RIOX2: variants seen among roughly 807,000 people sequenced by gnomAD.
The protein encoded by RIOX2 is ribosomal oxygenase 2, also known as 60S ribosomal protein L27a histidine hydroxylase.
RIOX2 carries 43 observed loss-of-function variants against 51.2 expected under a neutral mutation model. The ratio of observed to expected loss-of-function variants is 0.84; its 90% confidence interval spans 0.66 to 1.08. RIOX2 has a LOEUF of 1.08. Ranked by LOEUF, RIOX2 falls within the 50% of genes least tolerant of loss-of-function variation. The pLI is 0.00. For synonymous variants in RIOX2, 226 were observed against 218.5 expected (o/e 1.03, Z -0.30); for missense variants, 566 against 561.7 (o/e 1.01, Z -0.08).
At chr3:97,949,249 A>T (rs1023691181) in intron 7 of RIOX2, among the ~76,000 whole-genome samples, 7 of 151,984 alleles carry the variant, frequency 4.6e-5, no homozygotes, top group African/African-American at 1.7e-4. Context: ...AGTTCCCATG[A>T]CAGCTGGTGT....
Position 97,942,395 on chromosome 3 carries a change from G to C in RIOX2, c.*2789C>G, listed in dbSNP as rs1192526968. ...GCAGAAGTGGAGACTGAATAAAAATGGAACTATCAGCTCTTATCTCAGTGA... is the reference window on the plus strand; with the variant it reads ...GCAGAAGTGGAGACTGAATAAAAATCGAACTATCAGCTCTTATCTCAGTGA... On this transcript the variant is annotated 3_prime_UTR_variant, in exon 10 of 10. Coordinates refer to ENST00000394198, the MANE Select transcript of RIOX2 (RefSeq NM_153182.4). 5 of 1,611,558 alleles carry C rather than the reference G, an allele frequency of 3.1e-6. No individual in the cohort carries two copies. Among genetic ancestry groups the C allele is most frequent in the Non-Finnish European group, 4.2e-6 (5 of 1,178,432 alleles).
In RIOX2 at chr3:97,942,495, C is replaced by G. The variant is rs763476214; in HGVS notation, c.*2689G>C. 2.0e-6 allele frequency: 3 copies of G among 1,465,922 alleles called. 1 individual carries two copies. The highest frequency in any genetic ancestry group is 2.8e-6 in the Non-Finnish European group (3 of 1,085,168). 90.8% of individuals were successfully genotyped at this position (1,465,922 alleles called of 1,614,324 possible). ...GTGTCCCTGGATATTAGTTTCAGTT[C>G]CAAATCTCCTCATTTTGGGTAAAGG... On this transcript the variant is annotated 3_prime_UTR_variant, in exon 10 of 10. Coordinates refer to ENST00000394198, the MANE Select transcript of RIOX2 (RefSeq NM_153182.4).
chr3:97,964,610 T>C (rs1291000918), intron 2 of RIOX2, among the ~76,000 whole-genome samples: 2 of 146,874 alleles, frequency 1.4e-5, no homozygotes, highest in East Asian at 2.0e-4. Flanking sequence ...GGCAGGAGAA[T>C]TGCTTGAACC....
In RIOX2 at chr3:97,949,973, A is replaced by G. The variant is rs1705183472; in HGVS notation, c.931T>C (p.Phe311Leu). The G allele has an allele frequency of 6.2e-7, 1 of 1,613,982 alleles. No individual in the cohort carries two copies. The highest frequency in any genetic ancestry group is 8.5e-7 in the Non-Finnish European group (1 of 1,179,938). ...AGCCGGTCTGCAAGTGTCCTCAGGA[A>G]GCCACTTAATCGTCTTGTAGCAACA... ...TTVATRRLSG[F>L]LRTLADRLEG... is the part of the protein sequence containing the mutation. The change falls in exon 7 of 10, where the codon TTC (phenylalanine) becomes CTC (leucine). Residue 311 changes from phenylalanine (F) to leucine (L), a missense_variant. Physicochemically the swap from Phe to Leu is conservative, Grantham distance 22 (BLOSUM62 0). Coordinates refer to ENST00000394198, the MANE Select transcript of RIOX2 (RefSeq NM_153182.4).
intron 1 of RIOX2, among the ~76,000 whole-genome samples, chr3:97,968,960 G>A (rs140761905): frequency 6.6e-6 from 1 of 152,180 alleles, no homozygotes; most frequent in Non-Finnish European, 1.5e-5. Flanking sequence ...TAGACTAAGT[G>A]GAATTAATGT....
At chr3:97,946,324 C>T (rs1178917419) in intron 8 of RIOX2, among the ~76,000 whole-genome samples, 1 of 151,796 alleles carries the variant, frequency 6.6e-6, no homozygotes, top group East Asian at 1.9e-4. Context: ...AAGTCATTAA[C>T]TCCTGAGAAA....
chr3:97,957,997 T>G (rs575947106), intron 4 of RIOX2, among the ~76,000 whole-genome samples: 2 of 152,312 alleles, frequency 1.3e-5, no homozygotes, highest in South Asian at 4.2e-4. Flanking sequence ...CCAGATTTTC[T>G]GGTCCATGGG....
chr3:97,955,585 T>A (rs774723867), intron 4 of RIOX2, among the ~76,000 whole-genome samples: 2 of 152,150 alleles, frequency 1.3e-5, no homozygotes, highest in Non-Finnish European at 1.5e-5. Flanking sequence ...ATAAGAGCTA[T>A]CTTAGTTGCA....
chr3:97,964,116 G>A (rs1705784663), intron 2 of RIOX2, among the ~76,000 whole-genome samples: 1 of 152,168 alleles, frequency 6.6e-6, no homozygotes, highest in Non-Finnish European at 1.5e-5. Context: ...ACCTAGAACA[G>A]TGAAAGGGAG....
At chr3:97,949,746 T>C in intron 7 of RIOX2, 98 bp downstream of exon 7, 1 of 1,118,832 alleles carries the variant, frequency 8.9e-7, no homozygotes. Flanking sequence ...ACGAAAGCAC[T>C]TCATACTTTC....
chr3:97,965,210 T>TAA (rs10644219), intron 2 of RIOX2, among the ~76,000 whole-genome samples: 23,312 of 114,738 alleles, frequency 0.2, 3,082 homozygotes, highest in East Asian at 0.34. Context: ...ACAAAGAGAT[T>TAA]AAAAAAAAAA....
intron 9 of RIOX2, 178 bp from the exon 10 acceptor site, chr3:97,945,520 A>G: frequency 3.2e-6 from 2 of 621,128 alleles, no homozygotes; most frequent in Non-Finnish European, 5.5e-6. Context: ...AGGCATCCTA[A>G]TTTATGTAGT....
In RIOX2 at chr3:97,943,568, G is replaced by A; in HGVS notation, c.*1616C>T. The A allele has an allele frequency of 2.4e-6, 1 of 414,644 alleles. No individual in the cohort carries two copies. Among genetic ancestry groups the A allele is most frequent in the South Asian group, 3.1e-5 (1 of 32,144 alleles). The allele number at this position is 414,644 out of a possible 1,614,324, so 25.7% of individuals were successfully genotyped here. On this transcript the variant is annotated 3_prime_UTR_variant, in exon 10 of 10. Coordinates refer to ENST00000394198, the MANE Select transcript of RIOX2 (RefSeq NM_153182.4). ...AAGGTTCTATTCCTGATCTCCAGCTGTGGTGAGCAAGTTTCCTGAAGTGTT... is the reference window on the plus strand; with the variant it reads ...AAGGTTCTATTCCTGATCTCCAGCTATGGTGAGCAAGTTTCCTGAAGTGTT...
intron 7 of RIOX2, among the ~76,000 whole-genome samples, chr3:97,948,484 C>G (rs2040411408): frequency 6.6e-6 from 1 of 152,090 alleles, no homozygotes. Flanking sequence ...TAGGTCAAAA[C>G]AAAACACCAC....
chr3:97,950,169 G>A, intron 6 of RIOX2, 154 bp from the exon 7 acceptor site: 1 of 703,644 alleles, frequency 1.4e-6, no homozygotes, highest in South Asian at 1.9e-5. Context: ...CCCTAAGAAT[G>A]ATATCTCATC....
chr3:97,970,790 C>G (rs1163570487), intron 1 of RIOX2, among the ~76,000 whole-genome samples: 2 of 152,140 alleles, frequency 1.3e-5, no homozygotes, highest in Non-Finnish European at 2.9e-5. Context: ...CACAGATAAA[C>G]CCTATAAGAA....
At chr3:97,964,354 A>T (rs1486754294) in intron 2 of RIOX2, among the ~76,000 whole-genome samples, 2 of 152,186 alleles carry the variant, frequency 1.3e-5, no homozygotes, top group African/African-American at 4.8e-5. Flanking sequence ...TGGAATAGTT[A>T]TGGAAAGGTC....
At chr3:97,959,537 T>G (rs899155640) in intron 3 of RIOX2, among the ~76,000 whole-genome samples, 3 of 152,010 alleles carry the variant, frequency 2.0e-5, no homozygotes, top group African/African-American at 7.3e-5. Context: ...AGAATGGTCT[T>G]GAACTCCTGG....
At chr3:97,972,335 C>A (rs1020857899) in intron 1 of RIOX2, 46 bp downstream of exon 1, 2 of 151,976 alleles carry the variant, frequency 1.3e-5, no homozygotes, top group African/African-American at 4.8e-5. Context: ...CGGGCACTAC[C>A]CGGCCTGCCC....
Sources: gnomAD v4.1 joint callset for allele counts (sites outside exome capture counted in the v4.1 genomes callset) on GRCh38, gnomAD v4.1.1 for gene constraint, MANE v1.5 for transcripts, NCBI Gene and HGNC (gene_info 2026-07-23, HGNC 2026-07-21) for gene names.